TMEM170B: variants seen among roughly 807,000 people sequenced by gnomAD.
TMEM170B encodes the protein transmembrane protein 170B.
Under a neutral mutation model 13.0 loss-of-function variants are expected in TMEM170B, and 6 were observed. The ratio of observed to expected loss-of-function variants is 0.46; its 90% CI spans 0.25 to 0.91. The LOEUF (loss-of-function observed/expected upper bound fraction) is 0.91, where lower values mean the gene tolerates loss of function less well. Among genes scored for constraint, TMEM170B ranks in the 40% least tolerant of loss-of-function variants. The pLI, the probability that TMEM170B is intolerant of heterozygous loss-of-function variation, is 0.17. For missense variants in TMEM170B, 138 were observed against 165.2 expected (o/e 0.84, Z 0.90); for synonymous variants, 61 against 64.9 (o/e 0.94, Z 0.29).
Position 11,575,712 on chromosome 6 carries a change from T to C in TMEM170B, c.*151T>C, listed in dbSNP as rs1582148174. 1 of 880,142 alleles carries C rather than the reference T, an allele frequency of 1.1e-6. No individual in the cohort carries two copies. Among genetic ancestry groups the C allele is most frequent in the East Asian group, 2.7e-5 (1 of 37,648 alleles). 54.5% of individuals were successfully genotyped at this position (880,142 alleles called of 1,614,324 possible). A position where few individuals can be genotyped will look rare whatever the true frequency, so the allele number is the denominator to read the frequency against. On this transcript the variant is annotated 3_prime_UTR_variant, in exon 3 of 3. Coordinates refer to ENST00000379426, the MANE Select transcript of TMEM170B (RefSeq NM_001100829.3). The surrounding 1 kb of genome is among the most constrained non-coding windows in gnomAD (Gnocchi z 4.1). ...AAGACCTTGAGCTGTGTGGAAGGAT[T>C]GCCCTCTGGTGTTCAAGTGATTGCA... is the stretch of plus-strand genomic sequence containing the variant.
chr6:11,553,305 A>G (rs1312755112), intron 1 of TMEM170B, among the ~76,000 whole-genome samples: 3 of 152,324 alleles, frequency 2.0e-5, no homozygotes, highest in East Asian at 1.9e-4. Flanking sequence ...TCAAGGGTCT[A>G]CTGTATCTTA....
At chr6:11,549,946 T>C (rs1582139598) in intron 1 of TMEM170B, among the ~76,000 whole-genome samples, 2 of 152,254 alleles carry the variant, frequency 1.3e-5, no homozygotes, top group East Asian at 3.9e-4. Context: ...ATTAACATAC[T>C]CCATTACTCC....
intron 2 of TMEM170B, among the ~76,000 whole-genome samples, chr6:11,573,135 A>G (rs1363383666): frequency 6.6e-6 from 1 of 152,150 alleles, no homozygotes; most frequent in African/African-American, 2.4e-5. Context: ...CTGTTCATTG[A>G]TGTGAAACCT....
Position 11,580,731 on chromosome 6 carries a change from T to C in TMEM170B, c.*5170T>C, listed in dbSNP as rs1244439611. On this transcript the variant is annotated 3_prime_UTR_variant, in exon 3 of 3. Coordinates refer to ENST00000379426, the MANE Select transcript of TMEM170B (RefSeq NM_001100829.3). ...AAGGATATTATTTGATTAAAAATTA[T>C]AGCATTTGGAGAGGTAACACACAAA... is the stretch of plus-strand genomic sequence containing the variant. 1 of 152,218 alleles carries C rather than the reference T, an allele frequency of 6.6e-6. No individual in the cohort carries two copies. The highest frequency in any genetic ancestry group is 2.4e-5 in the African/African-American group (1 of 41,454). 9.4% of individuals were successfully genotyped at this position (152,218 alleles called of 1,614,324 possible).
intron 1 of TMEM170B, among the ~76,000 whole-genome samples, chr6:11,546,129 T>A (rs1759437029): frequency 6.6e-6 from 1 of 151,598 alleles, no homozygotes; most frequent in Admixed American, 6.6e-5. Flanking sequence ...CTGCCTGTCA[T>A]TGCCCCTGAA....
chr6:11,559,365 T>G (rs1161833436), intron 1 of TMEM170B, among the ~76,000 whole-genome samples: 1 of 152,064 alleles, frequency 6.6e-6, no homozygotes, highest in East Asian at 1.9e-4. Context: ...GCCTGGCTAA[T>G]TTTTTAATTT....
In TMEM170B at chr6:11,576,118, G is replaced by A. The variant is rs940400389; in HGVS notation, c.*557G>A. On this transcript the variant is annotated 3_prime_UTR_variant, in exon 3 of 3. Coordinates refer to ENST00000379426, the MANE Select transcript of TMEM170B (RefSeq NM_001100829.3). Reference sequence around the variant, plus strand: ...TGGTTTTTAATGTTGCGCGTTTCTGGGATTTAGGGCTTCAATATGTTTAGG... The same window carrying A: ...TGGTTTTTAATGTTGCGCGTTTCTGAGATTTAGGGCTTCAATATGTTTAGG... 1.3e-5 allele frequency: 2 copies of A among 152,250 alleles called. No individual in the cohort carries two copies. The highest frequency in any genetic ancestry group is 1.9e-4 in the East Asian group (1 of 5,206). The allele number at this position is 152,250 out of a possible 1,614,324, so 9.4% of individuals were successfully genotyped here.
chr6:11,556,879 A>G (rs1468942928), intron 1 of TMEM170B, among the ~76,000 whole-genome samples: 1 of 152,104 alleles, frequency 6.6e-6, no homozygotes, highest in African/African-American at 2.4e-5. Flanking sequence ...GCAAGAAACA[A>G]GATTTCTGTG....
intron 1 of TMEM170B, among the ~76,000 whole-genome samples, chr6:11,562,898 C>A (rs187537162): frequency 1.3e-5 from 2 of 152,180 alleles, no homozygotes; most frequent in Non-Finnish European, 2.9e-5. Context: ...AATAACCATA[C>A]CCTCCTTCCT....
intron 1 of TMEM170B, among the ~76,000 whole-genome samples, chr6:11,542,592 A>G (rs1229276098): frequency 6.6e-6 from 1 of 152,234 alleles, no homozygotes; most frequent in African/African-American, 2.4e-5. Context: ...AGAAAGAAAC[A>G]GATTAGAAAT....
At chr6:11,544,847 T>C (rs1243122611) in intron 1 of TMEM170B, among the ~76,000 whole-genome samples, 2 of 152,260 alleles carry the variant, frequency 1.3e-5, no homozygotes, top group East Asian at 3.8e-4. Flanking sequence ...ATTTTCTTTC[T>C]TTGAATATAT....
At chr6:11,555,495 G>A (rs185244966) in intron 1 of TMEM170B, among the ~76,000 whole-genome samples, 65 of 152,154 alleles carry the variant, frequency 4.3e-4, no homozygotes, top group South Asian at 8.3e-4. Context: ...AAAATTTTCA[G>A]CATCTTTCCC....
intron 1 of TMEM170B, among the ~76,000 whole-genome samples, chr6:11,554,152 G>A (rs898236372): frequency 6.6e-6 from 1 of 151,992 alleles, no homozygotes; most frequent in Non-Finnish European, 1.5e-5. Context: ...GCTCGTTGGT[G>A]TAAAAAGTTT....
Position 11,538,204 on chromosome 6 carries a change from C to T in TMEM170B, c.-74C>T. ...GCCTGGAGGAGCCGCGCACCCGCCG[C>T]CGCCCCCCGAGCCTCGCAGCCGCCG... On this transcript the variant is annotated 5_prime_UTR_variant, in exon 1 of 3. Coordinates refer to ENST00000379426, the MANE Select transcript of TMEM170B (RefSeq NM_001100829.3). 1.5e-6 allele frequency: 1 copy of T among 686,408 alleles called. No individual in the cohort carries two copies. 42.5% of individuals were successfully genotyped at this position (686,408 alleles called of 1,614,324 possible).
chr6:11,573,705 G>T (rs913826551), intron 2 of TMEM170B, among the ~76,000 whole-genome samples: 13 of 152,094 alleles, frequency 8.5e-5, no homozygotes, highest in Non-Finnish European at 2.9e-5. Flanking sequence ...TTTTCCCCTT[G>T]CTGTGGATCA....
At chr6:11,569,643 G>A (rs1455463479) in intron 2 of TMEM170B, among the ~76,000 whole-genome samples, 4 of 152,092 alleles carry the variant, frequency 2.6e-5, no homozygotes, top group East Asian at 1.9e-4. Flanking sequence ...CAGAGGCATC[G>A]GGCATTCAGG....
At position 11,581,859 on chromosome 6, in the gene TMEM170B, T is replaced by C. The variant is rs1759962457; in HGVS notation, c.*6298T>C. 1 of 152,206 alleles carries C rather than the reference T, an allele frequency of 6.6e-6. No individual in the cohort carries two copies. Among genetic ancestry groups the C allele is most frequent in the Non-Finnish European group, 1.5e-5 (1 of 68,020 alleles). The allele number at this position is 152,206 out of a possible 1,614,324, so 9.4% of individuals were successfully genotyped here. ...CCATAGAAAGCAACATAGTGGCACT[T>C]GTTGAGTAAATGATCATAAAAATGA... On this transcript the variant is annotated 3_prime_UTR_variant, in exon 3 of 3. Coordinates refer to ENST00000379426, the MANE Select transcript of TMEM170B (RefSeq NM_001100829.3).
In TMEM170B at chr6:11,566,297, C is replaced by T. The variant is rs1292907837; in HGVS notation, c.268+461C>T. On this transcript the variant is annotated intron_variant, in intron 2 of 2. Coordinates refer to ENST00000379426, the MANE Select transcript of TMEM170B (RefSeq NM_001100829.3). ...CTTATATACACATTATTATGGCCTA[C>T]TAGAAATGAGCTGTGCTAGAGTGTC... is the stretch of plus-strand genomic sequence containing the variant. 5.3e-5 allele frequency among the ~76,000 whole-genome samples: 8 copies of T among 152,204 alleles called. No individual in the cohort carries two copies. In the East Asian group the frequency reaches 1.2e-3, roughly 22 times the overall value.
rs527684937 is a variant in TMEM170B, at chr6:11,581,313, A to G, written c.*5752A>G. The G allele has an allele frequency of 1.3e-3, 199 of 152,320 alleles. No homozygotes were observed. The highest frequency in any genetic ancestry group is 4.4e-3 in the African/African-American group (185 of 41,576). 9.4% of individuals were successfully genotyped at this position (152,320 alleles called of 1,614,324 possible). On this transcript the variant is annotated 3_prime_UTR_variant, in exon 3 of 3. Coordinates refer to ENST00000379426, the MANE Select transcript of TMEM170B (RefSeq NM_001100829.3). Reference sequence around the variant, plus strand: ...ATGTCGTATGTTATAGTTTAAACATATGTACAATTTGTTGATAGAATCCAA... The same window carrying G: ...ATGTCGTATGTTATAGTTTAAACATGTGTACAATTTGTTGATAGAATCCAA...
Sources: allele counts gnomAD v4.1 joint callset (sites outside exome capture counted in the v4.1 genomes callset), GRCh38; gene constraint gnomAD v4.1.1; non-coding constraint Gnocchi (gnomAD v3.1); transcripts MANE v1.5; gene names NCBI Gene and HGNC (gene_info 2026-07-23, HGNC 2026-07-21).